The following GNL3 variants were observed in gnomAD, a reference collection of about 807,000 sequenced individuals.
GNL3 encodes the protein guanine nucleotide-binding protein-like 3.
GNL3 carries 77 observed loss-of-function variants against 70.6 expected under a neutral mutation model. The ratio of observed to expected loss-of-function variants is 1.09; its 90% confidence interval spans 0.91 to 1.32. The LOEUF (loss-of-function observed/expected upper bound fraction) is 1.32. Ranked by LOEUF, GNL3 falls within the 40% of genes most tolerant of loss-of-function variation. The pLI is 0.00. For missense variants in GNL3, 634 were observed against 644.0 expected, an observed-to-expected ratio of 0.98 and a Z score of 0.17; for synonymous variants, 252 against 216.1, an observed-to-expected ratio of 1.17 and a Z score of -1.46.
Position 52,687,635 on chromosome 3 carries a change from TG to T in GNL3, c.324+21del. Reference sequence around the variant, plus strand: ...GAAAAGGTATGATTAGGTCTCTTTATGAATGAGAGATCAGGGGTTTTGATTT... The same window carrying T: ...GAAAAGGTATGATTAGGTCTCTTTATAATGAGAGATCAGGGGTTTTGATTT... On this transcript the variant is annotated intron_variant, in intron 4 of 14. Transcript: ENST00000418458. The T allele has an allele frequency of 7.0e-7, 1 of 1,421,696 alleles. No homozygotes were observed. Among genetic ancestry groups the T allele is most frequent in the South Asian group, 1.2e-5 (1 of 86,070 alleles). 88.1% of individuals were successfully genotyped at this position (1,421,696 alleles called of 1,614,324 possible). A position where few individuals can be genotyped will look rare whatever the true frequency, so the allele number is the denominator to read the frequency against.
Position 52,694,295 on chromosome 3 carries a change from GA to G in GNL3, c.*21del, listed in dbSNP as rs2097330582. 7.4e-7 allele frequency: 1 copy of G among 1,344,008 alleles called. No homozygotes were observed. Among genetic ancestry groups the G allele is most frequent in the South Asian group, 1.2e-5 (1 of 81,828 alleles). The allele number at this position is 1,344,008 out of a possible 1,614,324, so 83.3% of individuals were successfully genotyped here. ...GTGTAACAGAACAATGGCTTTTTATGATTTTTTTTTTAACATTTTAAGCAGA... is the reference window on the plus strand; with the variant it reads ...GTGTAACAGAACAATGGCTTTTTATGTTTTTTTTTTAACATTTTAAGCAGA... On this transcript the variant is annotated 3_prime_UTR_variant, in exon 15 of 15. Coordinates refer to ENST00000418458, the MANE Select transcript of GNL3 (RefSeq NM_014366.5).
At position 52,693,672 on chromosome 3, in the gene GNL3, G is replaced by C. The variant is rs1431743200; in HGVS notation, c.1365G>C (p.Gln455His). The change falls in exon 13 of 15, where the codon CAG becomes CAC. Residue 455 changes from glutamine to histidine, a missense_variant. Physicochemically the swap from Gln to His is conservative, Grantham distance 24. Transcript: ENST00000418458. ...GPHLANSILF[Q>H]SSGLTNGIIE... ...ATTTGGCCAATAGCATCCTTTTCCA[G>C]TCTTCCGGTCTGACAAATGGAATAA... 1 of 1,614,000 alleles carries C rather than the reference G, an allele frequency of 6.2e-7. No homozygotes were observed. Among genetic ancestry groups the C allele is most frequent in the Admixed American group, 1.7e-5 (1 of 59,990 alleles).
At chr3:52,694,130 G>T in intron 14 of GNL3, 27 bp downstream of exon 14, 6 of 1,595,878 alleles carry the variant, frequency 3.8e-6, no homozygotes, top group Non-Finnish European at 5.2e-6. Flanking sequence ...GGGTTCTAAC[G>T]AAGCAGCATG....
Position 52,688,193 on chromosome 3 carries a change from G to T in GNL3, c.408+1G>T, listed in dbSNP as rs1438089249. ...GCTGTACTGCCAAGAACTTAAAAAG[G>T]TATCTTAGCCTAGGTCAGTGTCTGA... On this transcript the variant is annotated splice_donor_variant, in intron 5 of 14. Transcript: ENST00000418458. LOFTEE classifies it high-confidence loss of function. 1.3e-6 allele frequency: 2 copies of T among 1,562,860 alleles called. No individual in the cohort carries two copies. Among genetic ancestry groups the T allele is most frequent in the African/African-American group, 1.4e-5 (1 of 74,060 alleles).
chr3:52,691,183 G>A, intron 8 of GNL3, 112 bp downstream of exon 8: 1 of 915,320 alleles, frequency 1.1e-6, no homozygotes, highest in Non-Finnish European at 1.7e-6. Context: ...CAAGTAAAAG[G>A]CTCACTCAAA....
intron 8 of GNL3, 97 bp from the exon 9 acceptor site, chr3:52,691,445 G>A: frequency 1.3e-6 from 1 of 757,072 alleles, no homozygotes; most frequent in Non-Finnish European, 2.4e-6. Context: ...CTCTGATCTT[G>A]CCCTAAACAT....
chr3:52,686,071 T>G lies in GNL3; in HGVS notation c.-22T>G, dbSNP rs370184667. 3 of 1,118,184 alleles carry G rather than the reference T, an allele frequency of 2.7e-6. No individual in the cohort carries two copies. The South Asian group carries it at 3.7e-5, about 14-fold the overall frequency. 69.3% of individuals were successfully genotyped at this position (1,118,184 alleles called of 1,614,324 possible). On this transcript the variant is annotated 5_prime_UTR_variant, in exon 1 of 15. Transcript: ENST00000418458. ...GCCAGCGGAGGCAGGTTGATGTGTT[T>G]GTGCTTCCTTCTACAGCCAATATGA...
intron 1 of GNL3, chr3:52,686,308 G>C (rs2097310927): frequency 1.6e-6 from 1 of 617,150 alleles, no homozygotes; most frequent in African/African-American, 1.8e-5. Flanking sequence ...CTCATTCTGC[G>C]GAACGAAGCC....
chr3:52,688,975 T>A, intron 5 of GNL3, 99 bp from the exon 6 acceptor site: 2 of 945,554 alleles, frequency 2.1e-6, no homozygotes, highest in Non-Finnish European at 3.3e-6. Context: ...AAATGGATAA[T>A]GCCAGTACTC....
At chr3:52,691,719 T>C in intron 9 of GNL3, 90 bp downstream of exon 9, 1 of 764,700 alleles carries the variant, frequency 1.3e-6, no homozygotes, top group African/African-American at 1.8e-5. Flanking sequence ...TTTTTTTTTT[T>C]TTTGAGACAG....
At position 52,694,105 on chromosome 3, in the gene GNL3, T is replaced by G. The variant is rs2097330275; in HGVS notation, c.1567+2T>G. ...CACTGTCTGAGGAGACTACAGCAGG[T>G]GAGGCAGGCAAAAGGGGTTCTAACG... On this transcript the variant is annotated splice_donor_variant, in intron 14 of 14. Coordinates refer to ENST00000418458, the MANE Select transcript of GNL3 (RefSeq NM_014366.5). LOFTEE classifies it high-confidence loss of function. The G allele has an allele frequency of 1.1e-5, 18 of 1,610,938 alleles. No homozygotes were observed. The highest frequency in any genetic ancestry group is 1.5e-5 in the Non-Finnish European group (18 of 1,177,078).
At chr3:52,686,183 C>A in intron 1 of GNL3, 78 bp downstream of exon 1, 3 of 1,523,598 alleles carry the variant, frequency 2.0e-6, no homozygotes, top group Non-Finnish European at 2.7e-6. Context: ...TCTTCTACGG[C>A]TACGGCTTTG....
chr3:52,690,982 G>T lies in GNL3; in HGVS notation c.692G>T (p.Ser231Ile), dbSNP rs2097326694. Residue 231 changes from serine (S) to isoleucine (I), a missense_variant, in exon 8 of 15, where the codon AGT becomes ATT. Coordinates refer to ENST00000418458, the MANE Select transcript of GNL3 (RefSeq NM_014366.5). The stretch of plus-strand genomic sequence containing the variant: ...AAGAAGAATGCTGCTCCATTCAGAA[G>T]TGAAGTCTGCTTTGGGAAAGAGGGC... ...KAKKNAAPFR[S>I]EVCFGKEGLW... The T allele has an allele frequency of 6.2e-7, 1 of 1,613,870 alleles. No homozygotes were observed. Among genetic ancestry groups the T allele is most frequent in the Non-Finnish European group, 8.5e-7 (1 of 1,179,714 alleles).
intron 6 of GNL3, 42 bp from the exon 7 acceptor site, chr3:52,690,550 A>T (rs747606962): frequency 6.1e-6 from 7 of 1,142,182 alleles, no homozygotes; most frequent in Non-Finnish European, 9.3e-6. Context: ...GGCGTGAGCC[A>T]CCGTGCCTGG....
At chr3:52,692,611 C>A in intron 9 of GNL3, 1 of 511,104 alleles carries the variant, frequency 2.0e-6, no homozygotes, top group South Asian at 1.7e-5. Flanking sequence ...GCCACCGCGC[C>A]CAGCCAGAAG....
Position 52,690,706 on chromosome 3 carries a change from T to C in GNL3, c.654+2T>C. The stretch of plus-strand genomic sequence containing the variant: ...AAGGATAAAGGGAAGATAACCAAGG[T>C]ATCCTTTATTAGTGGTAAGAAATGT... On this transcript the variant is annotated splice_donor_variant, in intron 7 of 14. Transcript: ENST00000418458. LOFTEE classifies it high-confidence loss of function. The C allele has an allele frequency of 6.8e-7, 1 of 1,472,382 alleles. No individual in the cohort carries two copies. The highest frequency in any genetic ancestry group is 9.5e-7 in the Non-Finnish European group (1 of 1,051,614). 91.2% of individuals were successfully genotyped at this position (1,472,382 alleles called of 1,614,324 possible). A position where few individuals can be genotyped will look rare whatever the true frequency, so the allele number is the denominator to read the frequency against.
chr3:52,690,412 A>G (rs1457818068), intron 6 of GNL3, among the ~76,000 whole-genome samples, 180 bp from the exon 7 acceptor site: 5 of 151,998 alleles, frequency 3.3e-5, no homozygotes, highest in South Asian at 4.2e-4. Flanking sequence ...ACAGGTGCCC[A>G]CCACCACGCC....
At position 52,693,419 on chromosome 3, in the gene GNL3, C is replaced by T. The variant is rs570446517; in HGVS notation, c.1199C>T (p.Ala400Val). Residue 400 changes from alanine to valine, a missense_variant, in exon 12 of 15, where the codon GCT (alanine) becomes GTT (valine). By Grantham distance (64) the Ala-to-Val change is moderately conservative. Coordinates refer to ENST00000418458, the MANE Select transcript of GNL3 (RefSeq NM_014366.5). ...ATTTTTAATATCAGTGCCTCATTAG[C>T]TTACTATTGCCATCCCCCTACATCT... Reference protein sequence around the residue: ...LWSEWTGASLAYYCHPPTSWT... With the variant: ...LWSEWTGASLVYYCHPPTSWT... 6.2e-6 allele frequency: 10 copies of T among 1,614,046 alleles called. 1 individual carries two copies. In the South Asian group the frequency reaches 9.9e-5, roughly 16 times the overall value.
At chr3:52,694,004 A>C (rs773350553) in intron 13 of GNL3, 33 bp from the exon 14 acceptor site, 43 of 1,564,468 alleles carry the variant, frequency 2.7e-5, no homozygotes, top group Middle Eastern at 3.3e-4. Context: ...GACAAGGGCT[A>C]CTAATCCAGC....
Sources: gnomAD v4.1 joint callset for allele counts (sites outside exome capture counted in the v4.1 genomes callset) on GRCh38, gnomAD v4.1.1 for gene constraint, MANE v1.5 for transcripts, NCBI Gene and HGNC (gene_info 2026-07-23, HGNC 2026-07-21) for gene names.